Variants in CFAP43 observed in about 807,000 individuals in gnomAD.
CFAP43 encodes cilia- and flagella-associated protein 43.
CFAP43 carries 155 observed loss-of-function variants against 218.9 expected under a neutral mutation model. That is an observed-to-expected ratio of 0.71 (90% CI 0.62 to 0.81). CFAP43 has a LOEUF of 0.81. Among genes scored for constraint, CFAP43 ranks in the 30% least tolerant of loss-of-function variants. The pLI is 0.00. For missense variants in CFAP43, 1,778 were observed against 1,954.3 expected, an observed-to-expected ratio of 0.91 and a Z score of 1.70; for synonymous variants, 645 against 681.3, an observed-to-expected ratio of 0.95 and a Z score of 0.83.
At chr10:104,203,562 GA>G in intron 8 of CFAP43, 109 bp downstream of exon 8, 1 of 1,045,034 alleles carries the variant, frequency 9.6e-7, no homozygotes, top group Middle Eastern at 2.3e-4. Flanking sequence ...CTAGAGTCTT[GA>G]CAAGTAGAGT....
chr10:104,217,375 C>A (rs1748481952), intron 3 of CFAP43, among the ~76,000 whole-genome samples: 1 of 151,022 alleles, frequency 6.6e-6, no homozygotes, highest in African/African-American at 2.4e-5. Flanking sequence ...TTTGAAATAT[C>A]ATTACTTTAG....
intron 24 of CFAP43, 117 bp from the exon 25 acceptor site, chr10:104,162,520 C>T: frequency 1.2e-6 from 1 of 822,506 alleles, no homozygotes; most frequent in Non-Finnish European, 2.0e-6. Flanking sequence ...ACTCTGCAGA[C>T]TTTGCACCCA....
chr10:104,210,095 G>A (rs1315491131), intron 5 of CFAP43, among the ~76,000 whole-genome samples: 2 of 151,894 alleles, frequency 1.3e-5, no homozygotes, highest in African/African-American at 4.8e-5. Flanking sequence ...ATATTGTTTA[G>A]GAAATAACGA....
intron 23 of CFAP43, 111 bp from the exon 24 acceptor site, chr10:104,164,411 T>C: frequency 1.1e-6 from 1 of 900,148 alleles, no homozygotes; most frequent in Admixed American, 2.8e-5. Flanking sequence ...TTTTTTTTTT[T>C]TTTTGAGATG....
In CFAP43 at chr10:104,230,630, T is replaced by C; in HGVS notation, c.279A>G (p.Val93=). 6.2e-7 allele frequency: 1 copy of C among 1,614,176 alleles called. No individual in the cohort carries two copies. Among genetic ancestry groups the C allele is most frequent in the African/African-American group, 1.3e-5 (1 of 75,046 alleles). The change falls in exon 2 of 38, where the codon GTA becomes GTG. Residue 93 remains valine, a synonymous_variant. Coordinates refer to ENST00000357060, the MANE Select transcript of CFAP43 (RefSeq NM_025145.7). The part of the protein sequence containing the change: ...SDRKLKPLIY[V]YSFPGLTRRT... ...TTCTGGTCAATCCTGGAAAGCTGTA[T>C]ACGTAGATGAGAGGTTTTAGCTTCC...
At chr10:104,162,268 C>T (rs748989522) in intron 25 of CFAP43, 49 bp downstream of exon 25, 3 of 1,534,324 alleles carry the variant, frequency 2.0e-6, no homozygotes, top group East Asian at 2.2e-5. Context: ...GAAGCAGTAT[C>T]CCTAAAGCAA....
intron 23 of CFAP43, 74 bp from the exon 24 acceptor site, chr10:104,164,374 C>A: frequency 1.7e-6 from 2 of 1,173,454 alleles, no homozygotes; most frequent in Non-Finnish European, 1.2e-6. Context: ...CACAATTATA[C>A]TTTCCCTCTA....
intron 8 of CFAP43, among the ~76,000 whole-genome samples, chr10:104,200,796 T>C (rs1027094978): frequency 6.6e-6 from 1 of 151,564 alleles, no homozygotes; most frequent in Admixed American, 6.6e-5. Flanking sequence ...GAGAAGCATG[T>C]CTGGCAGATT....
rs554097710 is a variant in CFAP43, at chr10:104,189,318, A to T, written c.1547-908T>A. On this transcript the variant is annotated intron_variant, in intron 12 of 37. Coordinates refer to ENST00000357060, the MANE Select transcript of CFAP43 (RefSeq NM_025145.7). ...AACCTTCCTCCAACTCTGCTGTCCC[A>T]CAACAGTTAACATCTGACTCTCTTT... is the stretch of plus-strand genomic sequence containing the variant. Among the ~76,000 whole-genome samples the T allele has an allele frequency of 2.0e-5, 3 of 152,146 alleles. No individual in the cohort carries two copies. The South Asian group carries it at 6.2e-4, about 32-fold the overall frequency.
chr10:104,147,569 G>A (rs138263395), intron 29 of CFAP43, among the ~76,000 whole-genome samples: 15 of 152,286 alleles, frequency 9.8e-5, no homozygotes, highest in African/African-American at 3.6e-4. Flanking sequence ...AAGGTTATAT[G>A]CCTTGTCCTA....
chr10:104,206,709 G>C (rs1410201266), intron 6 of CFAP43, among the ~76,000 whole-genome samples: 1 of 152,240 alleles, frequency 6.6e-6, no homozygotes, highest in Non-Finnish European at 1.5e-5. Flanking sequence ...GCTTTGGACA[G>C]GTTTGAGGAG....
chr10:104,174,350 T>G (rs2089529671), intron 19 of CFAP43, among the ~76,000 whole-genome samples: 1 of 152,208 alleles, frequency 6.6e-6, no homozygotes, highest in Non-Finnish European at 1.5e-5. Context: ...GAAAGGCATG[T>G]CTCACATGGC....
At chr10:104,202,583 A>G (rs529927171) in intron 8 of CFAP43, among the ~76,000 whole-genome samples, 3 of 152,104 alleles carry the variant, frequency 2.0e-5, no homozygotes, top group Non-Finnish European at 2.9e-5. Context: ...TTGCTTTTCT[A>G]GTATCATTCT....
chr10:104,177,089 A>G (rs147130755), intron 19 of CFAP43, among the ~76,000 whole-genome samples: 1 of 152,260 alleles, frequency 6.6e-6, no homozygotes, highest in East Asian at 1.9e-4. Flanking sequence ...GGCCAAGGAA[A>G]TGATTTAAGA....
chr10:104,163,746 C>A (rs2089001051), intron 24 of CFAP43, among the ~76,000 whole-genome samples: 1 of 152,198 alleles, frequency 6.6e-6, no homozygotes, highest in African/African-American at 2.4e-5. Context: ...TTCAGACCAG[C>A]TACTTTCTCA....
Position 104,130,191 on chromosome 10 carries a change from G to A in CFAP43, c.4946C>T (p.Thr1649Ile), listed in dbSNP as rs1327522122. The A allele has an allele frequency of 6.2e-7, 1 of 1,609,346 alleles. No homozygotes were observed. Among genetic ancestry groups the A allele is most frequent in the Non-Finnish European group, 8.5e-7 (1 of 1,178,670 alleles). ...TTTCATTCTTAATCTTTCAACTTCA[G>A]TCTGTAGTATTGAAATCTGTTCAGC... is the stretch of plus-strand genomic sequence containing the variant. ...QQAEQISILQ[T>I]EVERLRMKTF... The change falls in exon 38 of 38, where the codon ACT (threonine) becomes ATT (isoleucine). Residue 1649 changes from threonine to isoleucine, a missense_variant. Around this residue, in one of 3 missense-constraint regions of CFAP43, gnomAD observed 211 missense variants for 230.6 expected, o/e 0.91. Transcript: ENST00000357060.
chr10:104,188,828 G>A (rs553598541), intron 12 of CFAP43, among the ~76,000 whole-genome samples: 1 of 152,308 alleles, frequency 6.6e-6, no homozygotes, highest in African/African-American at 2.4e-5. Context: ...GACTGTGGGT[G>A]TGGTGGAAAC....
At chr10:104,222,848 G>A (rs1462231989) in intron 3 of CFAP43, among the ~76,000 whole-genome samples, 4 of 152,116 alleles carry the variant, frequency 2.6e-5, no homozygotes, top group Admixed American at 2.6e-4. Flanking sequence ...TAAATCCAGT[G>A]AGCAAACTCA....
chr10:104,174,714 GATAA>G (rs1183927702), intron 19 of CFAP43, among the ~76,000 whole-genome samples: 2 of 151,990 alleles, frequency 1.3e-5, no homozygotes, highest in Non-Finnish European at 2.9e-5. Context: ...ATTGAATAAA[GATAA>G]ATAAATATAT....
Sources: gnomAD v4.1 joint callset for allele counts (sites outside exome capture counted in the v4.1 genomes callset) on GRCh38, gnomAD v4.1.1 for gene constraint, gnomAD v4.1.1 regional missense constraint, MANE v1.5 for transcripts, NCBI Gene and HGNC (gene_info 2026-07-23, HGNC 2026-07-21) for gene names.